RBFOX1: variants seen among roughly 807,000 people sequenced by gnomAD.
RBFOX1 encodes the protein RNA binding fox-1 homolog 1, also known as RNA binding protein fox-1 homolog 1.
Under a neutral mutation model 57.7 loss-of-function variants are expected in RBFOX1, and 8 were observed. The ratio of observed to expected loss-of-function variants is 0.14; its 90% confidence interval spans 0.08 to 0.25. RBFOX1 has a LOEUF of 0.25. Among genes scored for constraint, RBFOX1 ranks in the 10% least tolerant of loss-of-function variants. The probability of loss-of-function intolerance (pLI) is 1.00; values close to 1 mark genes in which losing one functional copy is unlikely to be tolerated. For synonymous variants in RBFOX1, 326 were observed against 222.4 expected (o/e 1.47, Z -4.15); for missense variants, 611 against 548.5 (o/e 1.11, Z -1.14).
In RBFOX1 at chr16:6,601,847, G is replaced by A. The variant is rs559732044; in HGVS notation, c.-63-52756G>A. On this transcript the variant is annotated intron_variant, in intron 2 of 15. Transcript: ENST00000550418. ...GGAATTGAAGATGTTAAAGAGAGGG[G>A]TTAGAGCTTGAAGAGGATGTTAAAG... Among the ~76,000 whole-genome samples the A allele has an allele frequency of 4.8e-4, 73 of 152,306 alleles. 1 individual carries two copies. The South Asian group carries it at 0.011, about 23-fold the overall frequency.
chr16:6,837,887 C>G (rs1480887239), intron 3 of RBFOX1, among the ~76,000 whole-genome samples: 1 of 151,990 alleles, frequency 6.6e-6, no homozygotes, highest in Non-Finnish European at 1.5e-5. Flanking sequence ...GAAAGCATGC[C>G]CAACAGCAAC....
At chr16:6,676,320 C>T (rs537125756) in intron 3 of RBFOX1, among the ~76,000 whole-genome samples, 1 of 152,056 alleles carries the variant, frequency 6.6e-6, no homozygotes, top group Non-Finnish European at 1.5e-5. Flanking sequence ...GAGTACTATC[C>T]TGCCTTCCAG....
intron 1 of RBFOX1, among the ~76,000 whole-genome samples, chr16:6,049,096 TC>T (rs1265152865): frequency 7.2e-6 from 1 of 139,528 alleles, no homozygotes; most frequent in Non-Finnish European, 1.5e-5. Flanking sequence ...ACAGTCTCAC[TC>T]TGTCGCCCAG....
chr16:7,569,396 C>G (rs148381664), intron 5 of RBFOX1, among the ~76,000 whole-genome samples: 4 of 152,276 alleles, frequency 2.6e-5, no homozygotes, highest in African/African-American at 9.6e-5. Flanking sequence ...CTCATGGCCC[C>G]TTTCCCCATC....
chr16:5,240,895 A>G (rs1596279948), intron 1 of RBFOX1, among the ~76,000 whole-genome samples: 1 of 152,266 alleles, frequency 6.6e-6, no homozygotes, highest in African/African-American at 2.4e-5. Context: ...CTGGGGAGGC[A>G]CGCGGGTTTG....
intron 3 of RBFOX1, among the ~76,000 whole-genome samples, chr16:6,870,752 C>G (rs1336608902): frequency 1.3e-5 from 2 of 152,160 alleles, no homozygotes; most frequent in South Asian, 2.1e-4. Flanking sequence ...CCTCCCCACC[C>G]CAGCCCCTCA....
intron 6 of RBFOX1, among the ~76,000 whole-genome samples, chr16:7,581,887 A>AT (rs752586919): frequency 6.6e-6 from 1 of 151,538 alleles, no homozygotes; most frequent in East Asian, 2.0e-4. Context: ...ATTTTTAAGT[A>AT]TTTTTTTTTA....
chr16:7,263,530 G>T (rs572992742), intron 4 of RBFOX1, among the ~76,000 whole-genome samples: 1 of 152,222 alleles, frequency 6.6e-6, no homozygotes, highest in South Asian at 2.1e-4. Flanking sequence ...AGTTCCTTAG[G>T]TGCTTTGGGT....
At chr16:5,629,976 C>T (rs12444426) in intron 3 of RBFOX1, among the ~76,000 whole-genome samples, 26,654 of 152,050 alleles carry the variant, frequency 0.18, 2,404 homozygotes, top group East Asian at 0.28. Flanking sequence ...CTGGTGACTG[C>T]TGTTATTTGG....
chr16:7,430,620 A>G (rs977439520), intron 4 of RBFOX1, among the ~76,000 whole-genome samples: 9 of 150,366 alleles, frequency 6.0e-5, no homozygotes, highest in Middle Eastern at 3.2e-3. Context: ...AGATTATGCC[A>G]CTGCACACCA....
At chr16:6,086,592 T>C (rs1455453505) in intron 1 of RBFOX1, among the ~76,000 whole-genome samples, 1 of 152,210 alleles carries the variant, frequency 6.6e-6, no homozygotes, top group African/African-American at 2.4e-5. Flanking sequence ...AAGTCTATAC[T>C]GCTGACTGGG....
intron 3 of RBFOX1, among the ~76,000 whole-genome samples, chr16:6,841,935 G>C (rs1025202107): frequency 1.3e-5 from 2 of 151,378 alleles, no homozygotes; most frequent in East Asian, 2.0e-4. Context: ...TCAGGAGATC[G>C]AGACCATCCT....
intron 2 of RBFOX1, among the ~76,000 whole-genome samples, chr16:5,534,753 A>T (rs1224717210): frequency 6.6e-6 from 1 of 152,156 alleles, no homozygotes; most frequent in African/African-American, 2.4e-5. Context: ...ACCCAGAAAC[A>T]ATACTTCACG....
At chr16:6,184,033 G>A (rs1392911737) in intron 1 of RBFOX1, among the ~76,000 whole-genome samples, 1 of 152,208 alleles carries the variant, frequency 6.6e-6, no homozygotes. Context: ...AATCGTGCCA[G>A]AAGGCAAAAG....
chr16:7,099,997 C>G (rs1297409471), intron 4 of RBFOX1, among the ~76,000 whole-genome samples: 1 of 151,824 alleles, frequency 6.6e-6, no homozygotes, highest in Admixed American at 6.6e-5. Flanking sequence ...ATGGTCTGAA[C>G]CAGTCTTTCA....
chr16:6,891,981 C>G (rs2065543186), intron 3 of RBFOX1, among the ~76,000 whole-genome samples: 1 of 152,164 alleles, frequency 6.6e-6, no homozygotes, highest in African/African-American at 2.4e-5. Flanking sequence ...CATTTTGATC[C>G]TGCTTACTGA....
chr16:7,139,390 C>G (rs62017084), intron 4 of RBFOX1, among the ~76,000 whole-genome samples: 150 of 152,282 alleles, frequency 9.9e-4, no homozygotes, highest in Non-Finnish European at 1.7e-3. Context: ...CATCCCTCCA[C>G]TAACTCTATT....
intron 4 of RBFOX1, among the ~76,000 whole-genome samples, chr16:5,982,306 C>G (rs1184491598): frequency 6.6e-6 from 1 of 151,882 alleles, no homozygotes; most frequent in African/African-American, 2.4e-5. Flanking sequence ...TGGAGTCTCG[C>G]TCTGTTGCAC....
chr16:6,067,866 A>G (rs1324037277), intron 1 of RBFOX1, among the ~76,000 whole-genome samples: 1 of 152,202 alleles, frequency 6.6e-6, no homozygotes, highest in East Asian at 1.9e-4. Context: ...CTTTCTAGAC[A>G]CTTAAGCATA....
Sources: allele counts gnomAD v4.1 joint callset (sites outside exome capture counted in the v4.1 genomes callset), GRCh38; gene constraint gnomAD v4.1.1; transcripts MANE v1.5; gene names NCBI Gene and HGNC (gene_info 2026-07-23, HGNC 2026-07-21).